SNX5: variants seen among roughly 807,000 people sequenced by gnomAD.
SNX5 encodes the protein sorting nexin-5.
SNX5 carries 31 observed loss-of-function variants against 53.9 expected under a neutral mutation model. The ratio of observed to expected loss-of-function variants is 0.58; its 90% confidence interval spans 0.43 to 0.78. The LOEUF is 0.78. SNX5 is among the 30% of genes least tolerant of loss of function. The pLI, the probability that SNX5 is intolerant of heterozygous loss-of-function variation, is 0.00. For missense variants in SNX5, 471 were observed against 478.8 expected, an observed-to-expected ratio of 0.98 and a Z score of 0.15; for synonymous variants, 168 against 171.1, an observed-to-expected ratio of 0.98 and a Z score of 0.14.
intron 1 of SNX5, 138 bp downstream of exon 1, chr20:17,968,237 C>T: frequency 1.6e-6 from 1 of 641,708 alleles, no homozygotes; most frequent in Non-Finnish European, 2.2e-6. Context: ...AGAGGGGCCG[C>T]CCGGGTCTCA....
rs779888972 is a variant in SNX5 at position 17,948,913 on chromosome 20, T to C, written c.895A>G (p.Met299Val). The C allele has an allele frequency of 3.1e-6, 5 of 1,611,972 alleles. No homozygotes were observed. Among genetic ancestry groups the C allele is most frequent in the South Asian group, 2.2e-5 (2 of 90,992 alleles). Residue 299 changes from methionine to valine, a missense_variant, in exon 10 of 13, where the codon ATG (methionine) becomes GTG (valine). Coordinates refer to ENST00000377759, the MANE Select transcript of SNX5 (RefSeq NM_014426.4). ...LKLTELLRYY[M>V]LNIEAAKDLL... is the part of the protein sequence containing the mutation. Reference sequence around the variant, plus strand: ...ACCTTAGCAGCTTCAATGTTGAGCATGTAGTATCGGAGGAGCTCTGTTAGC... The same window carrying C: ...ACCTTAGCAGCTTCAATGTTGAGCACGTAGTATCGGAGGAGCTCTGTTAGC...
At position 17,966,411 on chromosome 20, in the gene SNX5, GTAAA is replaced by G. The variant is rs1216667271; in HGVS notation, c.51+1960_51+1963del. 4.0e-5 allele frequency among the ~76,000 whole-genome samples: 6 copies of G among 151,062 alleles called. No homozygotes were observed. In the East Asian group the frequency reaches 1.2e-3, roughly 29 times the overall value. ...AAAAAAAAAAAAAAATCAAAAACCA[GTAAA>G]TAGAGGACCAGTTAGGAACCAAATT... is the stretch of plus-strand genomic sequence containing the variant. On this transcript the variant is annotated intron_variant, in intron 1 of 12. Coordinates refer to ENST00000377759, the MANE Select transcript of SNX5 (RefSeq NM_014426.4).
At chr20:17,944,142 C>T (rs1046821081) in intron 11 of SNX5, 1 of 152,036 alleles carries the variant, frequency 6.6e-6, no homozygotes, top group African/African-American at 2.4e-5. Context: ...TTAAGTTGAA[C>T]TCCTAGAAGT....
chr20:17,956,673 C>CAAAAAAAAAAAAAAA lies in SNX5; in HGVS notation c.156+245_156+259dup, dbSNP rs59252584. On this transcript the variant is annotated intron_variant, in intron 2 of 12. Transcript: ENST00000377759. ...CTGGGCAACACAATGAGACTGTCTCCAAAAAAAAAAAAAAAAAAAAAAAAA... is the reference window on the plus strand; with the variant it reads ...CTGGGCAACACAATGAGACTGTCTCCAAAAAAAAAAAAAAAAAAAAAAAAAAAAAAAAAAAAAAAA... Among the ~76,000 whole-genome samples the CAAAAAAAAAAAAAAA allele has an allele frequency of 7.2e-4, 61 of 84,872 alleles. 1 individual carries two copies. The highest frequency in any genetic ancestry group is 8.8e-4 in the Non-Finnish European group (40 of 45,564). 55.7% of individuals were successfully genotyped at this position (84,872 alleles called of 152,430 possible).
chr20:17,948,947 T>C lies in SNX5; in HGVS notation c.861A>G (p.Glu287=), dbSNP rs1455594809. The change falls in exon 10 of 13, where the codon GAA becomes GAG. Residue 287 remains glutamate (E), a synonymous_variant. Transcript: ENST00000377759. ...RKVEGRVSSD[E]DLKLTELLRY... ...GGAGGAGCTCTGTTAGCTTCAAATCTTCATCTGATGAAACTCGACCCTCTA... is the reference window on the plus strand; with the variant it reads ...GGAGGAGCTCTGTTAGCTTCAAATCCTCATCTGATGAAACTCGACCCTCTA... 2 of 1,612,358 alleles carry C rather than the reference T, an allele frequency of 1.2e-6. No individual in the cohort carries two copies. Among genetic ancestry groups the C allele is most frequent in the African/African-American group, 2.7e-5 (2 of 74,858 alleles).
chr20:17,966,151 A>G (rs1366718189), intron 1 of SNX5, among the ~76,000 whole-genome samples: 1 of 152,102 alleles, frequency 6.6e-6, no homozygotes, highest in Non-Finnish European at 1.5e-5. Flanking sequence ...CCCCCTAGTT[A>G]AAAATAGCAC....
chr20:17,961,186 GA>G, intron 1 of SNX5: 1 of 985,394 alleles, frequency 1.0e-6, no homozygotes, highest in Non-Finnish European at 1.2e-6. Flanking sequence ...CTGGCTGCAG[GA>G]CAACCCTGCA....
In SNX5 at chr20:17,952,651, A is replaced by G. The variant is rs749474204; in HGVS notation, c.449T>C (p.Leu150Pro). Residue 150 changes from leucine to proline, a missense_variant, in exon 5 of 13, where the codon CTT (leucine) becomes CCT (proline). Leu to Pro is a moderately conservative substitution (Grantham distance 98, BLOSUM62 -3). Transcript: ENST00000377759. The stretch of plus-strand genomic sequence containing the variant: ...TTTACTGAGAACAGGGTGAGAAGAA[A>G]GCCGCTGAAGAAAGACTTCATGGGA... ...VSSHEVFLQR[L>P]SSHPVLSKDR... 6.2e-7 allele frequency: 1 copy of G among 1,614,162 alleles called. No individual in the cohort carries two copies. Among genetic ancestry groups the G allele is most frequent in the South Asian group, 1.1e-5 (1 of 91,082 alleles).
At chr20:17,965,456 A>T (rs963432297) in intron 1 of SNX5, among the ~76,000 whole-genome samples, 6 of 152,220 alleles carry the variant, frequency 3.9e-5, no homozygotes, top group Non-Finnish European at 7.3e-5. Flanking sequence ...ACAATGGCTC[A>T]TGCCTGTAAT....
At chr20:17,948,758 A>G in intron 10 of SNX5, 132 bp downstream of exon 10, 3 of 701,618 alleles carry the variant, frequency 4.3e-6, no homozygotes, top group Non-Finnish European at 7.3e-6. Flanking sequence ...TTATGGATAC[A>G]ATGCCAGAAA....
Position 17,951,582 on chromosome 20 carries a change from C to G in SNX5, c.527G>C (p.Arg176Pro). 6.2e-7 allele frequency: 1 copy of G among 1,610,206 alleles called. No homozygotes were observed. Among genetic ancestry groups the G allele is most frequent in the Non-Finnish European group, 8.5e-7 (1 of 1,177,038 alleles). The change falls in exon 6 of 13, where the codon CGG (arginine) becomes CCG (proline). Residue 176 changes from arginine (R) to proline (P), a missense_variant. By Grantham distance (103) the Arg-to-Pro change is moderately radical. Transcript: ENST00000377759. ...LEYDQDLSVR[R>P]KNTKEMFGGF... The stretch of plus-strand genomic sequence containing the variant: ...ACCAAACATCTCTTTAGTATTTTTC[C>G]GCCTAACACTTAGCTAAAAGAAGAA...
intron 1 of SNX5, among the ~76,000 whole-genome samples, chr20:17,958,975 T>C (rs967826127): frequency 6.6e-6 from 1 of 152,174 alleles, no homozygotes; most frequent in African/African-American, 2.4e-5. Flanking sequence ...GGAGGAGACA[T>C]AGGACAGCTC....
Position 17,950,375 on chromosome 20 carries a change from G to C in SNX5, c.631C>G (p.Gln211Glu). 1 of 1,609,056 alleles carries C rather than the reference G, an allele frequency of 6.2e-7. No individual in the cohort carries two copies. The highest frequency in any genetic ancestry group is 8.5e-7 in the Non-Finnish European group (1 of 1,175,774). Residue 211 changes from glutamine to glutamate, a missense_variant, in exon 7 of 13, where the codon CAA (glutamine) becomes GAA (glutamate). By Grantham distance (29) the Gln-to-Glu change is conservative (BLOSUM62 2). Coordinates refer to ENST00000377759, the MANE Select transcript of SNX5 (RefSeq NM_014426.4). The stretch of plus-strand genomic sequence containing the variant: ...TAGTTAATAAGGAAGTTCTTCTCTT[G>C]CTCAAAGAAGTCATCTACCTCCTAG... ...GVKEVDDFFE[Q>E]EKNFLINYYN... is the part of the protein sequence containing the mutation.
At position 17,942,107 on chromosome 20, in the gene SNX5, G is replaced by C. The variant is rs1285744903; in HGVS notation, c.*250C>G. 4 of 448,092 alleles carry C rather than the reference G, an allele frequency of 8.9e-6. No individual in the cohort carries two copies. Among genetic ancestry groups the C allele is most frequent in the African/African-American group, 6.0e-5 (3 of 49,730 alleles). 27.8% of individuals were successfully genotyped at this position (448,092 alleles called of 1,614,324 possible). Reference sequence around the variant, plus strand: ...CTTAGTAACTAAAGACGAACTACGGGAGAACCCAGTATTTGGATTCTGCCC... The same window carrying C: ...CTTAGTAACTAAAGACGAACTACGGCAGAACCCAGTATTTGGATTCTGCCC... On this transcript the variant is annotated 3_prime_UTR_variant, in exon 13 of 13. Coordinates refer to ENST00000377759, the MANE Select transcript of SNX5 (RefSeq NM_014426.4).
At chr20:17,967,893 T>C (rs1011595886) in intron 1 of SNX5, 8 of 396,946 alleles carry the variant, frequency 2.0e-5, no homozygotes, top group Non-Finnish European at 3.1e-5. Flanking sequence ...GTAAGCAGCA[T>C]GTTCGGACGC....
intron 1 of SNX5, among the ~76,000 whole-genome samples, chr20:17,958,002 CA>C (rs59621613): frequency 0.41 from 43,981 of 107,490 alleles, 7,019 homozygotes; most frequent in Middle Eastern, 0.51. Flanking sequence ...TTCTGCCCGT[CA>C]AAAAAAAAAA....
intron 1 of SNX5, chr20:17,963,035 T>A (rs1190255758): frequency 1.9e-5 from 7 of 374,522 alleles, no homozygotes; most frequent in Non-Finnish European, 3.7e-5. Flanking sequence ...AAGAAATCCA[T>A]CTAATTACTA....
intron 6 of SNX5, among the ~76,000 whole-genome samples, chr20:17,950,615 C>T (rs1208003310): frequency 2.6e-5 from 4 of 152,190 alleles, no homozygotes; most frequent in African/African-American, 9.7e-5. Flanking sequence ...AGAAGAATCA[C>T]TTAACAACCA....
chr20:17,961,253 C>A (rs1446756573), intron 1 of SNX5: 1 of 985,336 alleles, frequency 1.0e-6, no homozygotes, highest in Non-Finnish European at 1.2e-6. Flanking sequence ...CCAAATTTCA[C>A]TTACGACTCT....
Sources: gnomAD v4.1 joint callset for allele counts (sites outside exome capture counted in the v4.1 genomes callset) on GRCh38, gnomAD v4.1.1 for gene constraint, MANE v1.5 for transcripts, NCBI Gene and HGNC (gene_info 2026-07-23, HGNC 2026-07-21) for gene names.